The following GALNT18 variants were observed in gnomAD, a reference collection of about 807,000 sequenced individuals.
GALNT18 encodes the protein GalNAc-transferase 18.
Under a neutral mutation model 69.5 loss-of-function variants are expected in GALNT18, and 44 were observed. The ratio of observed to expected loss-of-function variants is 0.63; its 90% CI spans 0.50 to 0.81. The LOEUF is 0.81. Ranked by LOEUF, GALNT18 falls within the 40% of genes least tolerant of loss-of-function variation. The probability of loss-of-function intolerance (pLI) is 0.00; values close to 1 mark genes in which losing one functional copy is unlikely to be tolerated. For synonymous variants in GALNT18, 364 were observed against 318.2 expected, an observed-to-expected ratio of 1.14 and a Z score of -1.53; for missense variants, 715 against 810.0, an observed-to-expected ratio of 0.88 and a Z score of 1.42.
chr11:11,497,367 CACA>C lies in GALNT18; in HGVS notation c.236-48434_236-48432del, dbSNP rs1564979422. Among the ~76,000 whole-genome samples the C allele has an allele frequency of 0.017, 2,468 of 147,996 alleles. 67 individuals are homozygous for C. The highest frequency in any genetic ancestry group is 0.055 in the African/African-American group (2,210 of 39,940). On this transcript the variant is annotated intron_variant, in intron 1 of 10. Transcript: ENST00000227756. This position sits in a 1 kb window ranked among gnomAD's most constrained non-coding sequence, Gnocchi z 4.2. ...ACACACACACACACACACACACACA[CACA>C]CCCCTTAGAATGGGGCTCCTTAAGA...
At chr11:11,472,927 G>T (rs1235842920) in intron 1 of GALNT18, among the ~76,000 whole-genome samples, 1 of 152,096 alleles carries the variant, frequency 6.6e-6, no homozygotes, top group Non-Finnish European at 1.5e-5. Context: ...AGAAGGTTGA[G>T]GTTGCAGTGA....
Position 11,602,857 on chromosome 11 carries a change from G to C in GALNT18, c.235+18502C>G, listed in dbSNP as rs1016013008. ...CATATTTTCTGAATTAAAAATAAGG[G>C]TGTATGGTCTGGCAAGAGCTTTGTG... On this transcript the variant is annotated intron_variant, in intron 1 of 10. Transcript: ENST00000227756. This position sits in a 1 kb window ranked among gnomAD's most constrained non-coding sequence, Gnocchi z 4.7. Among the ~76,000 whole-genome samples, 1 of 152,190 alleles carries C rather than the reference G, an allele frequency of 6.6e-6. No individual in the cohort carries two copies. The highest frequency in any genetic ancestry group is 1.5e-5 in the Non-Finnish European group (1 of 68,028).
chr11:11,297,034 C>T (rs138962197), intron 9 of GALNT18, among the ~76,000 whole-genome samples: 343 of 152,228 alleles, frequency 2.3e-3, no homozygotes, highest in African/African-American at 7.1e-3. Flanking sequence ...TGACTTAGAA[C>T]GATGGTCCTC....
intron 1 of GALNT18, among the ~76,000 whole-genome samples, chr11:11,492,296 T>C (rs1856786964): frequency 6.6e-6 from 1 of 152,182 alleles, no homozygotes; most frequent in African/African-American, 2.4e-5. Context: ...GGGTCACTTT[T>C]CTACTCATTG....
At chr11:11,384,278 A>C (rs1202705551) in intron 3 of GALNT18, among the ~76,000 whole-genome samples, 1 of 152,088 alleles carries the variant, frequency 6.6e-6, no homozygotes, top group Non-Finnish European at 1.5e-5. Flanking sequence ...CCTGTTTTTT[A>C]CTGCTGCAAC....
At chr11:11,520,860 G>A (rs1158674961) in intron 1 of GALNT18, among the ~76,000 whole-genome samples, 1 of 152,178 alleles carries the variant, frequency 6.6e-6, no homozygotes, top group Non-Finnish European at 1.5e-5. Flanking sequence ...CACCCCATAG[G>A]CAGCTGAGGC....
At chr11:11,282,154 T>C (rs1849092523) in intron 10 of GALNT18, among the ~76,000 whole-genome samples, 1 of 152,162 alleles carries the variant, frequency 6.6e-6, no homozygotes, top group African/African-American at 2.4e-5. Flanking sequence ...CTTCTTGACC[T>C]CAGCCTCTTT....
At chr11:11,272,324 TG>T (rs1848845080) in intron 10 of GALNT18, among the ~76,000 whole-genome samples, 1 of 152,228 alleles carries the variant, frequency 6.6e-6, no homozygotes, top group Admixed American at 6.5e-5. Flanking sequence ...CCATCACACT[TG>T]CCCTGGTTCA....
chr11:11,503,553 G>T (rs1857013307), intron 1 of GALNT18, among the ~76,000 whole-genome samples: 1 of 152,138 alleles, frequency 6.6e-6, no homozygotes, highest in African/African-American at 2.4e-5. Flanking sequence ...GCCTGCTCAG[G>T]CCAGGCCCTG....
rs966886033 is a variant in GALNT18 at position 11,601,573 on chromosome 11, C to T, written c.235+19786G>A. On this transcript the variant is annotated intron_variant, in intron 1 of 10. Coordinates refer to ENST00000227756, the MANE Select transcript of GALNT18 (RefSeq NM_198516.3). The surrounding 1 kb of genome is among the most constrained non-coding windows in gnomAD (Gnocchi z 4.0). The stretch of plus-strand genomic sequence containing the variant: ...GATTGCTCTATTATTTTCAACGGTG[C>T]CTTTAGGCATAAATTGCTCCACAGT... Among the ~76,000 whole-genome samples, 1 of 152,130 alleles carries T rather than the reference C, an allele frequency of 6.6e-6. No individual in the cohort carries two copies. Among genetic ancestry groups the T allele is most frequent in the Non-Finnish European group, 1.5e-5 (1 of 68,026 alleles).
chr11:11,310,100 G>A (rs1849643985), intron 9 of GALNT18, among the ~76,000 whole-genome samples: 1 of 152,170 alleles, frequency 6.6e-6, no homozygotes, highest in Non-Finnish European at 1.5e-5. Flanking sequence ...GTCTACACTT[G>A]CTGACTCCAC....
In GALNT18 at chr11:11,617,538, A is replaced by G. The variant is rs189738855; in HGVS notation, c.235+3821T>C. Among the ~76,000 whole-genome samples the G allele has an allele frequency of 1.8e-4, 27 of 152,378 alleles. No individual in the cohort carries two copies. The highest frequency in any genetic ancestry group is 3.3e-4 in the Admixed American group (5 of 15,310). On this transcript the variant is annotated intron_variant, in intron 1 of 10. Coordinates refer to ENST00000227756, the MANE Select transcript of GALNT18 (RefSeq NM_198516.3). The surrounding 1 kb of genome is among the most constrained non-coding windows in gnomAD (Gnocchi z 4.7). ...AAGCAGAATATAAAATTACATGTAA[A>G]TCATGACTACACCTTCATTTTGAAA... is the stretch of plus-strand genomic sequence containing the variant.
chr11:11,565,259 A>G (rs138607174), intron 1 of GALNT18, among the ~76,000 whole-genome samples: 33 of 152,338 alleles, frequency 2.2e-4, no homozygotes, highest in African/African-American at 7.9e-4. Flanking sequence ...TCGCCTGCTA[A>G]TGCTACCTGC....
intron 2 of GALNT18, among the ~76,000 whole-genome samples, chr11:11,440,581 G>A (rs956476411): frequency 1.3e-5 from 2 of 152,172 alleles, no homozygotes; most frequent in Non-Finnish European, 2.9e-5. Flanking sequence ...CAGAATTCTG[G>A]GGCTGGAGAG....
intron 10 of GALNT18, among the ~76,000 whole-genome samples, chr11:11,291,853 G>C (rs117381390): frequency 1.3e-5 from 2 of 152,296 alleles, no homozygotes; most frequent in South Asian, 4.2e-4. Flanking sequence ...AAGAGTCTCT[G>C]TAAGTGCTCT....
chr11:11,365,785 A>G (rs1182196944), intron 6 of GALNT18, among the ~76,000 whole-genome samples: 2 of 152,196 alleles, frequency 1.3e-5, no homozygotes, highest in African/African-American at 4.8e-5. Context: ...TATGAAGAAC[A>G]ATACCTATAT....
At chr11:11,287,627 T>C (rs559347486) in intron 10 of GALNT18, among the ~76,000 whole-genome samples, 1 of 152,320 alleles carries the variant, frequency 6.6e-6, no homozygotes, top group Admixed American at 6.5e-5. Flanking sequence ...TTGAAAGACA[T>C]ATACTTAATG....
chr11:11,397,311 A>G (rs1227279369), intron 3 of GALNT18, among the ~76,000 whole-genome samples: 2 of 152,170 alleles, frequency 1.3e-5, no homozygotes, highest in Non-Finnish European at 2.9e-5. Context: ...GTTTTAGTAG[A>G]CAGATATCAA....
intron 1 of GALNT18, among the ~76,000 whole-genome samples, chr11:11,460,775 G>A (rs1360943431): frequency 6.6e-6 from 1 of 152,152 alleles, no homozygotes; most frequent in Non-Finnish European, 1.5e-5. Context: ...ACTCTTAAGT[G>A]TGGCTTTCAA....
Sources: allele counts gnomAD v4.1 joint callset (sites outside exome capture counted in the v4.1 genomes callset), GRCh38; gene constraint gnomAD v4.1.1; non-coding constraint Gnocchi (gnomAD v3.1); transcripts MANE v1.5; gene names NCBI Gene and HGNC (gene_info 2026-07-23, HGNC 2026-07-21).